The following CDH18 variants were observed in gnomAD, a reference collection of about 807,000 sequenced individuals.
CDH18 encodes cadherin 18.
Under a neutral mutation model 67.9 loss-of-function variants are expected in CDH18, and 31 were observed. The ratio of observed to expected loss-of-function variants is 0.46; its 90% confidence interval spans 0.34 to 0.62. The LOEUF is 0.62. Among genes scored for constraint, CDH18 ranks in the 20% least tolerant of loss-of-function variants. CDH18 has a pLI of 0.01. For synonymous variants in CDH18, 362 were observed against 347.2 expected, an observed-to-expected ratio of 1.04 and a Z score of -0.48; for missense variants, 890 against 975.5, an observed-to-expected ratio of 0.91 and a Z score of 1.17.
In CDH18 at chr5:19,561,661, T is replaced by G. The variant is rs992466303; in HGVS notation, c.1253+9918A>C. On this transcript the variant is annotated intron_variant, in intron 8 of 12. Transcript: ENST00000382275. Reference sequence around the variant, plus strand: ...TCCCCAAAAACCTATTGAATTTTTTTTAAATAGGCCAAAACAGAAAACAAG... The same window carrying G: ...TCCCCAAAAACCTATTGAATTTTTTGTAAATAGGCCAAAACAGAAAACAAG... Among the ~76,000 whole-genome samples the G allele has an allele frequency of 6.5e-4, 99 of 152,102 alleles. 1 individual carries two copies. The highest frequency in any genetic ancestry group is 2.1e-4 in the South Asian group (1 of 4,822).
chr5:20,083,378 G>T (rs1341536309), intron 2 of CDH18, among the ~76,000 whole-genome samples: 6 of 152,040 alleles, frequency 3.9e-5, no homozygotes, highest in Admixed American at 2.6e-4. Context: ...TGGTTTTTTT[G>T]TTGTTGTTTT....
At chr5:20,350,689 T>C (rs569950895) in intron 1 of CDH18, among the ~76,000 whole-genome samples, 2 of 152,252 alleles carry the variant, frequency 1.3e-5, no homozygotes, top group East Asian at 3.9e-4. Flanking sequence ...TAAGAATCTA[T>C]ATGATTATTC....
chr5:20,397,477 A>C (rs1421785212), intron 1 of CDH18, among the ~76,000 whole-genome samples: 2 of 152,154 alleles, frequency 1.3e-5, no homozygotes, highest in Non-Finnish European at 2.9e-5. Context: ...CAAAATTACT[A>C]GCCTAGGAAC....
intron 1 of CDH18, among the ~76,000 whole-genome samples, chr5:20,475,188 ATG>A (rs1361994761): frequency 3.3e-5 from 5 of 152,182 alleles, no homozygotes; most frequent in Non-Finnish European, 5.9e-5. Context: ...GATAATAAAA[ATG>A]TGTCTCAATT....
intron 1 of CDH18, among the ~76,000 whole-genome samples, chr5:20,531,488 C>T (rs1756393849): frequency 6.6e-6 from 1 of 151,984 alleles, no homozygotes; most frequent in South Asian, 2.1e-4. Flanking sequence ...GGATTCAATC[C>T]AAATGCCCAT....
intron 8 of CDH18, among the ~76,000 whole-genome samples, chr5:19,564,284 C>G (rs185208831): frequency 6.6e-6 from 1 of 152,226 alleles, no homozygotes. Context: ...CTCCCCCAAC[C>G]GCAGGCAGTG....
intron 2 of CDH18, among the ~76,000 whole-genome samples, chr5:19,859,989 G>GGTGGGTGTGTGT (rs1554052083): frequency 7.0e-6 from 1 of 143,148 alleles, no homozygotes; most frequent in Non-Finnish European, 1.5e-5. Context: ...GTTTGCTTTG[G>GGTGGGTGTGTGT]GTGTGTGTGT....
intron 2 of CDH18, among the ~76,000 whole-genome samples, chr5:20,134,000 A>G (rs1037764579): frequency 3.3e-5 from 5 of 151,982 alleles, no homozygotes; most frequent in South Asian, 2.1e-4. Flanking sequence ...TTCTTTTTTG[A>G]GACAGTCTTG....
At chr5:20,517,323 C>A (rs1400823980) in intron 1 of CDH18, among the ~76,000 whole-genome samples, 1 of 151,246 alleles carries the variant, frequency 6.6e-6, no homozygotes, top group Admixed American at 6.6e-5. Context: ...TACATATAAA[C>A]ATGATAAAGT....
At chr5:20,092,383 A>C (rs916902820) in intron 2 of CDH18, among the ~76,000 whole-genome samples, 3 of 152,186 alleles carry the variant, frequency 2.0e-5, no homozygotes, top group Admixed American at 2.0e-4. Context: ...TCATACTTGA[A>C]AAATAAATAG....
intron 9 of CDH18, among the ~76,000 whole-genome samples, chr5:19,531,232 T>C (rs1018842208): frequency 1.3e-5 from 2 of 152,210 alleles, no homozygotes; most frequent in Admixed American, 6.5e-5. Context: ...GATTAACTCA[T>C]ATATCTGCAT....
At chr5:20,505,287 G>A (rs915717809) in intron 1 of CDH18, among the ~76,000 whole-genome samples, 3 of 152,114 alleles carry the variant, frequency 2.0e-5, no homozygotes, top group Non-Finnish European at 4.4e-5. Context: ...AATTGGAGAA[G>A]TTTTAGAAAG....
At chr5:19,685,724 T>A (rs1450663378) in intron 5 of CDH18, among the ~76,000 whole-genome samples, 1 of 152,182 alleles carries the variant, frequency 6.6e-6, no homozygotes, top group East Asian at 1.9e-4. Context: ...TACATCATTG[T>A]CCCATTTGGC....
chr5:19,675,312 A>C (rs1759323182), intron 5 of CDH18, among the ~76,000 whole-genome samples: 1 of 152,044 alleles, frequency 6.6e-6, no homozygotes, highest in African/African-American at 2.4e-5. Context: ...TTGAGAGCAG[A>C]CAACCGGTAT....
chr5:20,104,689 T>C (rs896414359), intron 2 of CDH18, among the ~76,000 whole-genome samples: 1 of 152,072 alleles, frequency 6.6e-6, no homozygotes, highest in Admixed American at 6.6e-5. Flanking sequence ...CAAGTGCTGT[T>C]CCAATACCTG....
intron 1 of CDH18, among the ~76,000 whole-genome samples, chr5:20,565,625 G>A (rs1368123791): frequency 6.6e-6 from 1 of 151,914 alleles, no homozygotes; most frequent in African/African-American, 2.4e-5. Flanking sequence ...TAGTGCTTTT[G>A]TGAATGGAAT....
At chr5:19,937,455 A>C (rs1442301318) in intron 2 of CDH18, among the ~76,000 whole-genome samples, 1 of 151,462 alleles carries the variant, frequency 6.6e-6, no homozygotes, top group Non-Finnish European at 1.5e-5. Context: ...TTGAAAACAG[A>C]AACTCTAAGT....
At chr5:19,788,270 G>T (rs955954678) in intron 3 of CDH18, among the ~76,000 whole-genome samples, 18 of 152,216 alleles carry the variant, frequency 1.2e-4, no homozygotes, top group African/African-American at 4.3e-4. Context: ...TTTCAAGATG[G>T]TAATGATGGA....
chr5:19,537,042 G>T (rs1211700820), intron 9 of CDH18, among the ~76,000 whole-genome samples: 3 of 152,174 alleles, frequency 2.0e-5, no homozygotes, highest in African/African-American at 4.8e-5. Context: ...ATTGAGCCAT[G>T]GAGTGCTCAG....
Sources: gnomAD v4.1 joint callset for allele counts (sites outside exome capture counted in the v4.1 genomes callset) on GRCh38, gnomAD v4.1.1 for gene constraint, MANE v1.5 for transcripts, NCBI Gene and HGNC (gene_info 2026-07-23, HGNC 2026-07-21) for gene names.